The following ATP8A2 variants were observed in gnomAD, a reference collection of about 807,000 sequenced individuals.
ATP8A2 encodes the protein phospholipid-transporting ATPase IB.
ATP8A2 carries 100 observed loss-of-function variants against 165.6 expected under a neutral mutation model. That is an observed-to-expected ratio of 0.60 (90% CI 0.51 to 0.71). The LOEUF (loss-of-function observed/expected upper bound fraction) is 0.71, where lower values mean the gene tolerates loss of function less well. Among genes scored for constraint, ATP8A2 ranks in the 30% least tolerant of loss-of-function variants. The pLI, the probability that ATP8A2 is intolerant of heterozygous loss-of-function variation, is 0.00. For missense variants in ATP8A2, 1,227 were observed against 1,479.5 expected, an observed-to-expected ratio of 0.83 and a Z score of 2.80; for synonymous variants, 543 against 548.8, an observed-to-expected ratio of 0.99 and a Z score of 0.15.
Position 25,426,355 on chromosome 13 carries a change from C to T in ATP8A2, c.77-42622C>T, listed in dbSNP as rs551174812. On this transcript the variant is annotated intron_variant, in intron 1 of 36. Transcript: ENST00000381655. ...GGAGGTGCCACACACTTTTAAACAACTAGTTTCACATGAACTCACTCATTA... is the reference window on the plus strand; with the variant it reads ...GGAGGTGCCACACACTTTTAAACAATTAGTTTCACATGAACTCACTCATTA... Among the ~76,000 whole-genome samples, 15 of 152,184 alleles carry T rather than the reference C, an allele frequency of 9.9e-5. No homozygotes were observed. The East Asian group carries it at 2.9e-3, about 29-fold the overall frequency.
intron 1 of ATP8A2, among the ~76,000 whole-genome samples, chr13:25,378,036 T>G (rs1005492010): frequency 1.3e-5 from 2 of 152,080 alleles, no homozygotes; most frequent in South Asian, 4.2e-4. Context: ...AAGGATTGCT[T>G]GAGCCCAGGA....
At chr13:25,735,457 C>T (rs766951328) in intron 25 of ATP8A2, among the ~76,000 whole-genome samples, 1 of 152,048 alleles carries the variant, frequency 6.6e-6, no homozygotes. Context: ...GACAAGGTCT[C>T]ACCATGTTGC....
intron 33 of ATP8A2, among the ~76,000 whole-genome samples, chr13:25,894,954 T>C (rs962729493): frequency 2.6e-5 from 4 of 152,214 alleles, no homozygotes; most frequent in Admixed American, 2.6e-4. Flanking sequence ...TGGGGTTTTC[T>C]AGATATACAA....
At chr13:25,388,537 C>T (rs1308319781) in intron 1 of ATP8A2, among the ~76,000 whole-genome samples, 2 of 152,070 alleles carry the variant, frequency 1.3e-5, no homozygotes, top group African/African-American at 2.4e-5. Context: ...GGGGGCTGCG[C>T]GCACTGGTAA....
At chr13:25,588,487 G>A (rs191962522) in intron 23 of ATP8A2, among the ~76,000 whole-genome samples, 199 of 152,272 alleles carry the variant, frequency 1.3e-3, no homozygotes, top group Non-Finnish European at 1.7e-3. Flanking sequence ...GCCACGTGTA[G>A]CATCTGTGAG....
At chr13:25,912,491 A>G (rs74039597) in intron 33 of ATP8A2, among the ~76,000 whole-genome samples, 1,871 of 152,300 alleles carry the variant, frequency 0.012, 38 homozygotes, top group African/African-American at 0.041. Context: ...TAGTGAATAT[A>G]GTAAATAATA....
chr13:25,874,210 G>T (rs994227011), intron 33 of ATP8A2, among the ~76,000 whole-genome samples: 3 of 152,078 alleles, frequency 2.0e-5, no homozygotes, highest in African/African-American at 7.2e-5. Context: ...CTCCCTTTAT[G>T]CTCTCCCTCA....
At chr13:25,782,960 C>T (rs1479705043) in intron 27 of ATP8A2, among the ~76,000 whole-genome samples, 1 of 152,172 alleles carries the variant, frequency 6.6e-6, no homozygotes, top group Non-Finnish European at 1.5e-5. Flanking sequence ...AGGCTGATCT[C>T]GAACTCCTGA....
intron 28 of ATP8A2, among the ~76,000 whole-genome samples, chr13:25,829,351 T>C (rs1057324402): frequency 6.6e-6 from 1 of 151,922 alleles, no homozygotes; most frequent in Non-Finnish European, 1.5e-5. Flanking sequence ...AGGACAGAAT[T>C]GATGTCCATT....
chr13:25,998,621 C>T (rs1214445823), intron 35 of ATP8A2, among the ~76,000 whole-genome samples: 2 of 152,180 alleles, frequency 1.3e-5, no homozygotes, highest in African/African-American at 4.8e-5. Context: ...AAAACCTTGT[C>T]TGGGACAGAG....
chr13:25,665,067 G>A (rs908710637), intron 24 of ATP8A2, among the ~76,000 whole-genome samples: 4 of 152,058 alleles, frequency 2.6e-5, no homozygotes, highest in East Asian at 1.9e-4. Flanking sequence ...AGATGTACAA[G>A]GCAGCAGAAG....
intron 33 of ATP8A2, among the ~76,000 whole-genome samples, chr13:25,883,254 T>G (rs1953039260): frequency 1.3e-5 from 2 of 152,068 alleles, no homozygotes; most frequent in Admixed American, 1.3e-4. Context: ...CTGCATACTC[T>G]TATGAAAAAA....
At position 25,390,424 on chromosome 13, in the gene ATP8A2, A is replaced by G. The variant is rs184674685; in HGVS notation, c.76+18136A>G. On this transcript the variant is annotated intron_variant, in intron 1 of 36. Transcript: ENST00000381655. ...GTGGCTTGATGACTTTCACAAATAC[A>G]TAGCTGTGTACAGTCAAGATAGGGA... is the stretch of plus-strand genomic sequence containing the variant. Among the ~76,000 whole-genome samples, 17 of 152,296 alleles carry G rather than the reference A, an allele frequency of 1.1e-4. No individual in the cohort carries two copies. In the East Asian group the frequency reaches 3.3e-3, roughly 29 times the overall value.
chr13:25,990,453 G>C (rs535641044), intron 35 of ATP8A2, among the ~76,000 whole-genome samples: 6 of 152,094 alleles, frequency 3.9e-5, no homozygotes, highest in Non-Finnish European at 8.8e-5. Context: ...TGAGTGAACT[G>C]AGGGAGAGAG....
At chr13:25,760,458 A>T (rs972900160) in intron 25 of ATP8A2, among the ~76,000 whole-genome samples, 2 of 152,214 alleles carry the variant, frequency 1.3e-5, no homozygotes, top group African/African-American at 2.4e-5. Context: ...AGGTAAACAG[A>T]ATAGCTAGTC....
chr13:25,597,234 A>G (rs768006110), intron 24 of ATP8A2, among the ~76,000 whole-genome samples: 4 of 151,830 alleles, frequency 2.6e-5, no homozygotes, highest in Non-Finnish European at 5.9e-5. Flanking sequence ...TTTTCTTACC[A>G]GTGTTAGGGA....
At chr13:25,975,624 A>T (rs556410701) in intron 35 of ATP8A2, among the ~76,000 whole-genome samples, 2 of 152,270 alleles carry the variant, frequency 1.3e-5, no homozygotes, top group Admixed American at 1.3e-4. Context: ...TCAAATATTC[A>T]AGCATACATA....
intron 1 of ATP8A2, among the ~76,000 whole-genome samples, chr13:25,436,094 T>C (rs1357958887): frequency 3.3e-5 from 5 of 152,102 alleles, no homozygotes; most frequent in Admixed American, 3.3e-4. Context: ...GTTAATAGAT[T>C]TTACTTTTTT....
At chr13:25,924,376 G>A (rs1379035085) in intron 33 of ATP8A2, among the ~76,000 whole-genome samples, 1 of 152,112 alleles carries the variant, frequency 6.6e-6, no homozygotes, top group Non-Finnish European at 1.5e-5. Flanking sequence ...ATCTGTTCCA[G>A]GTCTCTCCTA....
Sources: gnomAD v4.1 joint callset for allele counts (sites outside exome capture counted in the v4.1 genomes callset) on GRCh38, gnomAD v4.1.1 for gene constraint, MANE v1.5 for transcripts, NCBI Gene and HGNC (gene_info 2026-07-23, HGNC 2026-07-21) for gene names.